The following SLC16A7 variants were observed in gnomAD, a reference collection of about 807,000 sequenced individuals.
The protein encoded by SLC16A7 is solute carrier family 16 member 7, also known as monocarboxylate transporter 2.
A neutral mutation model predicts 34.9 loss-of-function variants in SLC16A7; 33 were observed. That is an observed-to-expected ratio of 0.94 (90% CI 0.72 to 1.26). The LOEUF is 1.26. Among genes scored for constraint, SLC16A7 ranks in the 50% most tolerant of loss-of-function variants. The pLI is 0.00. For missense variants in SLC16A7, 573 were observed against 578.1 expected (o/e 0.99, Z 0.09); for synonymous variants, 201 against 206.6 (o/e 0.97, Z 0.23).
chr12:59,721,237 A>C (rs1002285804), intron 3 of SLC16A7, among the ~76,000 whole-genome samples: 2 of 152,002 alleles, frequency 1.3e-5, no homozygotes, highest in Admixed American at 6.6e-5. Context: ...AGGTAACTTC[A>C]ATTCCTACTT....
intron 1 of SLC16A7, among the ~76,000 whole-genome samples, chr12:59,616,724 T>C (rs1016241805): frequency 6.6e-6 from 1 of 152,176 alleles, no homozygotes; most frequent in East Asian, 1.9e-4. Context: ...GAAAAAAGTA[T>C]AGGTCATGGA....
At chr12:59,733,780 A>C in intron 3 of SLC16A7, 1 of 456,020 alleles carries the variant, frequency 2.2e-6, no homozygotes, top group Non-Finnish European at 4.4e-6. Context: ...GAGAGCGAGC[A>C]AGGCAGAGAG....
intron 1 of SLC16A7, among the ~76,000 whole-genome samples, chr12:59,608,904 A>G (rs935322201): frequency 7.9e-5 from 12 of 152,254 alleles, no homozygotes; most frequent in African/African-American, 2.9e-4. Context: ...TTAAATGCCT[A>G]GAAACCTAAT....
At chr12:59,635,067 G>C (rs1880354743) in intron 1 of SLC16A7, among the ~76,000 whole-genome samples, 1 of 151,910 alleles carries the variant, frequency 6.6e-6, no homozygotes, top group Non-Finnish European at 1.5e-5. Context: ...GAGGCCTAAG[G>C]CTAGAATATT....
intron 2 of SLC16A7, among the ~76,000 whole-genome samples, chr12:59,656,275 T>C (rs1457486699): frequency 6.6e-6 from 1 of 151,964 alleles, no homozygotes; most frequent in Non-Finnish European, 1.5e-5. Flanking sequence ...TTATGTTACA[T>C]GGTAAAGGGA....
intron 1 of SLC16A7, among the ~76,000 whole-genome samples, chr12:59,632,195 GTAAA>G (rs1880214105): frequency 6.6e-6 from 1 of 151,914 alleles, no homozygotes; most frequent in African/African-American, 2.4e-5. Flanking sequence ...TGTATACAAT[GTAAA>G]TAGGAATAAA....
At chr12:59,748,777 C>G (rs1416112764) in intron 3 of SLC16A7, among the ~76,000 whole-genome samples, 3 of 152,158 alleles carry the variant, frequency 2.0e-5, no homozygotes. Context: ...ATTGAAAATG[C>G]AGCTTTTATG....
At chr12:59,637,382 TAG>T (rs1047899909) in intron 1 of SLC16A7, among the ~76,000 whole-genome samples, 1 of 152,044 alleles carries the variant, frequency 6.6e-6, no homozygotes, top group African/African-American at 2.4e-5. Flanking sequence ...TCTGATATTT[TAG>T]AGTGACTAGT....
intron 1 of SLC16A7, among the ~76,000 whole-genome samples, chr12:59,649,579 G>C (rs898383447): frequency 6.6e-6 from 1 of 152,160 alleles, no homozygotes; most frequent in Non-Finnish European, 1.5e-5. Context: ...TTGTTGGTCA[G>C]ATCAGTGGAA....
At position 59,784,921 on chromosome 12, in the gene SLC16A7, T is replaced by C. The variant is rs887217737; in HGVS notation, c.*5242T>C. The stretch of plus-strand genomic sequence containing the variant: ...ACCATTATGTATTATTCTGTCTCCA[T>C]CAATGCAGTGACATCACTGATACAT... On this transcript the variant is annotated 3_prime_UTR_variant, in exon 6 of 6. Transcript: ENST00000547379. 1.3e-5 allele frequency: 2 copies of C among 152,214 alleles called. No individual in the cohort carries two copies. Among genetic ancestry groups the C allele is most frequent in the African/African-American group, 4.8e-5 (2 of 41,468 alleles). 9.4% of individuals were successfully genotyped at this position (152,214 alleles called of 1,614,324 possible).
intron 3 of SLC16A7, among the ~76,000 whole-genome samples, chr12:59,753,249 A>T (rs1227831510): frequency 6.6e-6 from 1 of 152,232 alleles, no homozygotes; most frequent in Non-Finnish European, 1.5e-5. Context: ...AAATTCACAC[A>T]TAACAGTATT....
chr12:59,734,895 A>G (rs984164704), intron 3 of SLC16A7, among the ~76,000 whole-genome samples: 15 of 152,254 alleles, frequency 9.9e-5, no homozygotes, highest in African/African-American at 3.6e-4. Context: ...CCATTGCTAT[A>G]AATTCATGCA....
At chr12:59,668,226 C>T (rs1460772235) in intron 2 of SLC16A7, among the ~76,000 whole-genome samples, 1 of 152,172 alleles carries the variant, frequency 6.6e-6, no homozygotes, top group Non-Finnish European at 1.5e-5. Context: ...CACCATCCTT[C>T]AGACTGCAGA....
chr12:59,663,794 A>G (rs888372531), intron 2 of SLC16A7, among the ~76,000 whole-genome samples: 3 of 152,076 alleles, frequency 2.0e-5, no homozygotes, highest in African/African-American at 7.2e-5. Context: ...TTGTAAAAGC[A>G]TTTGGTTTAT....
rs959277670 is a variant in SLC16A7 at position 59,751,467 on chromosome 12, G to A, written c.218-19752G>A. On this transcript the variant is annotated intron_variant, in intron 3 of 5. Transcript: ENST00000547379. ...GGAGATTATATCCTGCACCTGGCTC[G>A]TAGGGTCTTACGACCATGGAGCCTT... Among the ~76,000 whole-genome samples, 20 of 152,356 alleles carry A rather than the reference G, an allele frequency of 1.3e-4. No homozygotes were observed. The Middle Eastern group carries it at 0.014, about 104-fold the overall frequency.
chr12:59,627,188 A>G (rs552558062), intron 1 of SLC16A7, among the ~76,000 whole-genome samples: 1 of 152,008 alleles, frequency 6.6e-6, no homozygotes, highest in Non-Finnish European at 1.5e-5. Context: ...AACCCAAGAG[A>G]GTTTATGCAC....
At chr12:59,662,637 T>C (rs1299363151) in intron 2 of SLC16A7, among the ~76,000 whole-genome samples, 1 of 152,094 alleles carries the variant, frequency 6.6e-6, no homozygotes, top group Non-Finnish European at 1.5e-5. Flanking sequence ...TCTGTGTTTA[T>C]CTCACATCTC....
At chr12:59,627,432 T>A (rs1879978496) in intron 1 of SLC16A7, among the ~76,000 whole-genome samples, 1 of 151,942 alleles carries the variant, frequency 6.6e-6, no homozygotes, top group Non-Finnish European at 1.5e-5. Context: ...GTGTATGTAC[T>A]TGTCTTTTGA....
chr12:59,749,974 C>T (rs1879329517), intron 3 of SLC16A7, among the ~76,000 whole-genome samples: 1 of 152,174 alleles, frequency 6.6e-6, no homozygotes, highest in African/African-American at 2.4e-5. Context: ...AAAGCATTCC[C>T]TATTTAACAA....
Sources: gnomAD v4.1 joint callset for allele counts (sites outside exome capture counted in the v4.1 genomes callset) on GRCh38, gnomAD v4.1.1 for gene constraint, MANE v1.5 for transcripts, NCBI Gene and HGNC (gene_info 2026-07-23, HGNC 2026-07-21) for gene names.